Variants in DMD observed in about 807,000 individuals in gnomAD.
DMD encodes the protein dystrophin, also known as mutant dystrophin.
DMD carries 63 observed loss-of-function variants against 330.1 expected under a neutral mutation model. The observed-to-expected ratio is 0.19, with a 90% CI of 0.16 to 0.24. DMD has a LOEUF of 0.24. Among genes scored for constraint, DMD ranks in the 10% least tolerant of loss-of-function variants. DMD has a pLI of 1.00. For missense variants in DMD, 3,344 were observed against 2,684.1 expected, an observed-to-expected ratio of 1.25 and a Z score of -5.43; for synonymous variants, 1,223 against 959.8, an observed-to-expected ratio of 1.27 and a Z score of -5.07.
intron 44 of DMD, among the ~76,000 whole-genome samples, chrX:32,186,671 G>T (rs1289863790): frequency 1.8e-5 from 2 of 111,237 alleles, no homozygotes; most frequent in Admixed American, 9.6e-5. Flanking sequence ...GGGAGGTTTT[G>T]TTGAATGCTA....
intron 44 of DMD, among the ~76,000 whole-genome samples, chrX:31,988,319 A>G (rs1207192919): frequency 9.3e-6 from 1 of 107,778 alleles, no homozygotes; most frequent in Non-Finnish European, 1.9e-5. Context: ...AAAAAAATAC[A>G]AAAAATTACC....
chrX:32,037,895 C>A (rs1469839738), intron 44 of DMD, among the ~76,000 whole-genome samples: 3 of 111,187 alleles, frequency 2.7e-5, no homozygotes, highest in Non-Finnish European at 5.7e-5. Flanking sequence ...TTAGAAATAA[C>A]CTCATTATTC....
intron 2 of DMD, among the ~76,000 whole-genome samples, chrX:32,885,827 G>GAAA (rs35272541): frequency 0.18 from 11,886 of 64,512 alleles, 975 homozygotes; most frequent in Non-Finnish European, 0.23. Flanking sequence ...CCTTGAGGGG[G>GAAA]AAAAAAAAAA....
At chrX:31,861,736 T>TAC (rs753295784) in intron 48 of DMD, among the ~76,000 whole-genome samples, 5,919 of 76,764 alleles carry the variant, frequency 0.077, 242 homozygotes, top group African/African-American at 0.11. Flanking sequence ...AAGAGTGCTA[T>TAC]ACACACACAC....
intron 52 of DMD, among the ~76,000 whole-genome samples, chrX:31,718,603 A>G (rs2085242279): frequency 9.0e-6 from 1 of 110,746 alleles, no homozygotes; most frequent in South Asian, 3.9e-4. Flanking sequence ...AAGAAGAGAG[A>G]CTAGAGTACC....
At chrX:31,594,752 C>T (rs1008284914) in intron 55 of DMD, among the ~76,000 whole-genome samples, 1 of 110,575 alleles carries the variant, frequency 9.0e-6, no homozygotes, top group Non-Finnish European at 1.9e-5. Context: ...GGAGTAGTTG[C>T]CCATACTTTC....
chrX:32,882,622 C>CT (rs2084070807), intron 2 of DMD, among the ~76,000 whole-genome samples: 1 of 112,071 alleles, frequency 8.9e-6, no homozygotes, highest in South Asian at 3.7e-4. Flanking sequence ...ATTTGATCTT[C>CT]TGGACAGCCG....
At chrX:31,863,858 T>A (rs912514289) in intron 48 of DMD, among the ~76,000 whole-genome samples, 2 of 111,328 alleles carry the variant, frequency 1.8e-5, no homozygotes, top group African/African-American at 6.5e-5. Flanking sequence ...CATAAATATG[T>A]ATCACATATT....
At chrX:31,812,354 G>A (rs1243923738) in intron 50 of DMD, among the ~76,000 whole-genome samples, 1 of 99,020 alleles carries the variant, frequency 1.0e-5, no homozygotes, top group Non-Finnish European at 2.0e-5. Flanking sequence ...ACTCACAGGT[G>A]GGAATTGAAC....
chrX:31,679,236 A>G (rs1383508981), intron 53 of DMD, 139 bp downstream of exon 53: 2 of 584,300 alleles, frequency 3.4e-6, no homozygotes, highest in Non-Finnish European at 5.3e-6. Flanking sequence ...ATAAATATAC[A>G]AAGTCTACTG....
chrX:32,984,857 G>A (rs781178551), intron 2 of DMD, among the ~76,000 whole-genome samples: 1 of 111,439 alleles, frequency 9.0e-6, no homozygotes, highest in African/African-American at 3.3e-5. Context: ...TACTGCTTGT[G>A]TAATTAACTC....
intron 63 of DMD, among the ~76,000 whole-genome samples, chrX:31,242,301 G>C (rs1023356361): frequency 5.6e-5 from 5 of 88,792 alleles, no homozygotes; most frequent in African/African-American, 1.7e-4. Context: ...ATCTGGAGTA[G>C]ATTCTCAGAG....
chrX:32,682,829 T>C (rs750925150), intron 9 of DMD, among the ~76,000 whole-genome samples: 1 of 112,012 alleles, frequency 8.9e-6, no homozygotes, highest in East Asian at 2.8e-4. Context: ...GAAGCAGATA[T>C]GTCACTTCCA....
chrX:31,169,885 C>G (rs779071920), intron 73 of DMD, among the ~76,000 whole-genome samples: 1 of 111,603 alleles, frequency 9.0e-6, no homozygotes, highest in Non-Finnish European at 1.9e-5. Context: ...TGGGACTCTA[C>G]GTTGATGTTA....
chrX:32,286,179 G>A (rs1346208363), intron 43 of DMD, among the ~76,000 whole-genome samples: 1 of 111,361 alleles, frequency 9.0e-6, no homozygotes, highest in African/African-American at 3.3e-5. Context: ...TGTGTGGGAG[G>A]CAGAAAAGTA....
At chrX:31,193,991 G>T (rs1234166085) in intron 67 of DMD, among the ~76,000 whole-genome samples, 2 of 110,922 alleles carry the variant, frequency 1.8e-5, no homozygotes, top group Non-Finnish European at 3.8e-5. Flanking sequence ...GACCAGCCTG[G>T]CCAACGTGGT....
chrX:32,215,712 C>T (rs1044881679), intron 44 of DMD, among the ~76,000 whole-genome samples: 1 of 111,274 alleles, frequency 9.0e-6, no homozygotes, highest in African/African-American at 3.3e-5. Flanking sequence ...ATGTTTCTGC[C>T]TCTCAGGCAG....
chrX:33,177,598 T>G (rs1003728404), intron 1 of DMD, among the ~76,000 whole-genome samples: 3 of 110,515 alleles, frequency 2.7e-5, no homozygotes, highest in Non-Finnish European at 5.7e-5. Flanking sequence ...GTTGGCCAGG[T>G]TGGTCTCGAA....
rs777983486 is a variant in DMD at position 31,132,819 on chromosome X, TAGA to T, written c.11014+1280_11014+1282del. On this transcript the variant is annotated intron_variant, in intron 77 of 78. Transcript: ENST00000357033. Reference sequence around the variant, plus strand: ...TCTTCTCATTATGAATTATGACATCTAGAAGAAGGAGATACCTAAGATAGTCAG... The same window carrying T: ...TCTTCTCATTATGAATTATGACATCTAGAAGGAGATACCTAAGATAGTCAG... 1.1e-3 allele frequency among the ~76,000 whole-genome samples: 124 copies of T among 109,410 alleles called. 1 individual carries two copies. The highest frequency in any genetic ancestry group is 4.1e-3 in the African/African-American group (122 of 30,069).
Sources: gnomAD v4.1 joint callset for allele counts (sites outside exome capture counted in the v4.1 genomes callset) on GRCh38, gnomAD v4.1.1 for gene constraint, MANE v1.5 for transcripts, NCBI Gene and HGNC (gene_info 2026-07-23, HGNC 2026-07-21) for gene names.